The following FHAD1 variants were observed in gnomAD, a reference collection of about 807,000 sequenced individuals.
The protein encoded by FHAD1 is forkhead-associated domain-containing protein 1.
Under a neutral mutation model 191.3 loss-of-function variants are expected in FHAD1, and 146 were observed. The ratio of observed to expected loss-of-function variants is 0.76; its 90% CI spans 0.67 to 0.88. The LOEUF is 0.88. FHAD1 is among the 40% of genes least tolerant of loss of function. The probability of loss-of-function intolerance (pLI) is 0.00; values close to 1 mark genes in which losing one functional copy is unlikely to be tolerated. For missense variants in FHAD1, 1,635 were observed against 1,785.8 expected, an observed-to-expected ratio of 0.92 and a Z score of 1.52; for synonymous variants, 616 against 672.3, an observed-to-expected ratio of 0.92 and a Z score of 1.29.
At chr1:15,308,505 C>G in intron 6 of FHAD1, 108 bp from the exon 7 acceptor site, 4 of 1,459,418 alleles carry the variant, frequency 2.7e-6, no homozygotes, top group Non-Finnish European at 3.7e-6. Context: ...TTCCCCAACA[C>G]CCCAGCCAAA....
At position 15,327,128 on chromosome 1, in the gene FHAD1, G is replaced by A. The variant is rs950937986; in HGVS notation, c.1543G>A (p.Val515Ile). Residue 515 changes from valine (V) to isoleucine (I), a missense_variant, in exon 12 of 34, where the codon GTC (valine) becomes ATC (isoleucine). Physicochemically the swap from Val to Ile is conservative, Grantham distance 29 (BLOSUM62 3). Coordinates refer to ENST00000688493, the MANE Select transcript of FHAD1 (RefSeq NM_001391957.1). The surrounding 1 kb of genome is among the most constrained non-coding windows in gnomAD (Gnocchi z 5.1). ...GRAKPFRDKP[V>I]TDQQLIEKIT... ...GGCGAAGCCGTTCCGGGACAAGCCC[G>A]TCACCGACCAACAGGTTAGTCTGCC... The A allele has an allele frequency of 5.3e-5, 82 of 1,550,866 alleles. No homozygotes were observed. The East Asian group carries it at 9.3e-4, about 18-fold the overall frequency.
intron 2 of FHAD1, among the ~76,000 whole-genome samples, chr1:15,271,056 G>A (rs1209745692): frequency 2.7e-5 from 4 of 149,100 alleles, no homozygotes; most frequent in Admixed American, 6.7e-5. Flanking sequence ...GGAGAATGGC[G>A]TGAACCCGGG....
At position 15,329,023 on chromosome 1, in the gene FHAD1, A is replaced by T; in HGVS notation, c.1711-323A>T. The stretch of plus-strand genomic sequence containing the variant: ...GACCAGCTTGTGTGTTGATCTTGGC[A>T]GGAATTCTGACGAATGGAAAAAAGA... On this transcript the variant is annotated intron_variant, in intron 13 of 33. Coordinates refer to ENST00000688493, the MANE Select transcript of FHAD1 (RefSeq NM_001391957.1). The surrounding 1 kb of genome is among the most constrained non-coding windows in gnomAD (Gnocchi z 5.0). 1 of 187,364 alleles carries T rather than the reference A, an allele frequency of 5.3e-6. No individual in the cohort carries two copies. The highest frequency in any genetic ancestry group is 1.1e-5 in the Non-Finnish European group (1 of 91,344). 11.6% of individuals were successfully genotyped at this position (187,364 alleles called of 1,614,324 possible).
chr1:15,289,478 C>T lies in FHAD1; in HGVS notation c.380C>T (p.Ala127Val). The stretch of plus-strand genomic sequence containing the variant: ...CGTGCCACACAGCAGCCAAACCAGG[C>T]CCCCCCACCATCACATATCCCCTTC... ...PPRATQQPNQ[A>V]PPPSHIPFHQ... The change falls in exon 4 of 34, where the codon GCC (alanine) becomes GTC (valine). Residue 127 changes from alanine (A) to valine (V), a missense_variant. Physicochemically the swap from Ala to Val is moderately conservative, Grantham distance 64. Coordinates refer to ENST00000688493, the MANE Select transcript of FHAD1 (RefSeq NM_001391957.1). The surrounding 1 kb of genome is among the most constrained non-coding windows in gnomAD (Gnocchi z 4.2). The T allele has an allele frequency of 1.3e-6, 2 of 1,551,788 alleles. No individual in the cohort carries two copies. The highest frequency in any genetic ancestry group is 1.7e-6 in the Non-Finnish European group (2 of 1,147,010).
At chr1:15,343,099 T>C (rs1007564247) in intron 16 of FHAD1, among the ~76,000 whole-genome samples, 8 of 152,100 alleles carry the variant, frequency 5.3e-5, no homozygotes, top group African/African-American at 1.7e-4. Flanking sequence ...TACCTGAGGG[T>C]TGGCCCTTTT....
chr1:15,289,453 C>G lies in FHAD1; in HGVS notation c.355C>G (p.Arg119Gly), dbSNP rs1663691515. Residue 119 changes from arginine (R) to glycine (G), a missense_variant, in exon 4 of 34, where the codon CGT becomes GGT. Physicochemically the swap from Arg to Gly is moderately radical, Grantham distance 125. Transcript: ENST00000688493. The surrounding 1 kb of genome is among the most constrained non-coding windows in gnomAD (Gnocchi z 4.2). ...PAPWPGPQPP[R>G]ATQQPNQAPP... The stretch of plus-strand genomic sequence containing the variant: ...ACCATGGCCAGGGCCACAGCCACCT[C>G]GTGCCACACAGCAGCCAAACCAGGC... 1 of 1,551,762 alleles carries G rather than the reference C, an allele frequency of 6.4e-7. No homozygotes were observed. Among genetic ancestry groups the G allele is most frequent in the African/African-American group, 1.4e-5 (1 of 73,166 alleles).
intron 14 of FHAD1, among the ~76,000 whole-genome samples, chr1:15,331,661 GGGAAGGCAGGAGGGAAGGCAGGAA>G (rs1425137067): frequency 4.0e-4 from 54 of 135,662 alleles, no homozygotes; most frequent in South Asian, 3.5e-3. Flanking sequence ...GAAGGCAGGA[GGGAAGGCAGGAGGGAAGGCAGGAA>G]GGAAGGCAGG....
chr1:15,367,598 T>C lies in FHAD1; in HGVS notation c.3290T>C (p.Leu1097Pro). The C allele has an allele frequency of 6.8e-7, 1 of 1,465,294 alleles. No individual in the cohort carries two copies. Among genetic ancestry groups the C allele is most frequent in the Non-Finnish European group, 9.1e-7 (1 of 1,104,398 alleles). 90.8% of individuals were successfully genotyped at this position (1,465,294 alleles called of 1,614,324 possible). The change falls in exon 25 of 34, where the codon CTG (leucine) becomes CCG (proline). Residue 1097 changes from leucine (L) to proline (P), a missense_variant. Coordinates refer to ENST00000688493, the MANE Select transcript of FHAD1 (RefSeq NM_001391957.1). ...CTGGTAGAAAAGAAAGATCGGGAGC[T>C]GAAGGCCCTTGAGGAGGCACTCAGG... The part of the protein sequence containing the change: ...SSLVEKKDRE[L>P]KALEEALRAS...
chr1:15,373,618 G>A (rs773951521), intron 26 of FHAD1, among the ~76,000 whole-genome samples: 21 of 152,100 alleles, frequency 1.4e-4, no homozygotes, highest in Non-Finnish European at 2.2e-4. Context: ...CTTGGGAGGC[G>A]GAAGCAGGAG....
chr1:15,333,824 C>CTTTTTTTTTTTTTTTT (rs55698715), intron 14 of FHAD1, among the ~76,000 whole-genome samples: 10 of 64,808 alleles, frequency 1.5e-4, no homozygotes, highest in Non-Finnish European at 2.0e-4. Context: ...TTTTATTTAT[C>CTTTTTTTTTTTTTTTT]TTTTTTTTTT....
rs1289349873 is a variant in FHAD1 at position 15,289,369 on chromosome 1, A to T, written c.301-30A>T. 6.5e-7 allele frequency: 1 copy of T among 1,542,700 alleles called. No homozygotes were observed. Among genetic ancestry groups the T allele is most frequent in the Non-Finnish European group, 8.8e-7 (1 of 1,141,162 alleles). ...ATGGAGACCATCCCAGCCGGTCATA[A>T]CCTCCCCTGACCCTTGTCTGCCCCT... On this transcript the variant is annotated intron_variant, in intron 3 of 33. Coordinates refer to ENST00000688493, the MANE Select transcript of FHAD1 (RefSeq NM_001391957.1). This position sits in a 1 kb window ranked among gnomAD's most constrained non-coding sequence, Gnocchi z 4.2.
intron 3 of FHAD1, among the ~76,000 whole-genome samples, chr1:15,278,537 G>A (rs188323258): frequency 3.5e-5 from 5 of 141,596 alleles, no homozygotes; most frequent in Admixed American, 1.5e-4. Flanking sequence ...GCAGTGGCAC[G>A]ATCTCAGTTC....
chr1:15,349,273 C>G, intron 19 of FHAD1, 124 bp downstream of exon 19: 1 of 709,252 alleles, frequency 1.4e-6, no homozygotes. Flanking sequence ...CAAGATCTGC[C>G]GTTTACTGGC....
At chr1:15,259,510 G>A (rs1290869563) in intron 2 of FHAD1, among the ~76,000 whole-genome samples, 2 of 152,112 alleles carry the variant, frequency 1.3e-5, no homozygotes, top group Admixed American at 6.5e-5. Flanking sequence ...TTTGGCTTTA[G>A]GGAACATCTA....
At chr1:15,237,064 G>GT (rs1553210386) in intron 1 of FHAD1, among the ~76,000 whole-genome samples, 1 of 152,048 alleles carries the variant, frequency 6.6e-6, no homozygotes, top group Non-Finnish European at 1.5e-5. Flanking sequence ...CACCATGATC[G>GT]TAAGTTTCCT....
chr1:15,306,579 A>G (rs1200721385), intron 6 of FHAD1, among the ~76,000 whole-genome samples: 2 of 152,220 alleles, frequency 1.3e-5, no homozygotes, highest in Non-Finnish European at 2.9e-5. Flanking sequence ...CGGGGTCCCC[A>G]TGCTGTGTGC....
Position 15,375,698 on chromosome 1 carries a change from T to C in FHAD1, c.3673T>C (p.Leu1225=). The C allele has an allele frequency of 6.5e-7, 1 of 1,546,384 alleles. No individual in the cohort carries two copies. Among genetic ancestry groups the C allele is most frequent in the South Asian group, 1.2e-5 (1 of 82,828 alleles). Residue 1225 remains leucine (L), a synonymous_variant, in exon 28 of 34, where the codon TTG becomes CTG. Transcript: ENST00000688493. ...QKILLDAKPD[L]PTLSRIEILA... is the part of the protein sequence containing the mutation. ...AATACTACTGGATGCAAAACCGGATTTGCCAACTCTCTCAAGAATAGAGAT... is the reference window on the plus strand; with the variant it reads ...AATACTACTGGATGCAAAACCGGATCTGCCAACTCTCTCAAGAATAGAGAT...
At chr1:15,337,213 G>A (rs946571152) in intron 14 of FHAD1, among the ~76,000 whole-genome samples, 46 of 152,096 alleles carry the variant, frequency 3.0e-4, no homozygotes, top group East Asian at 1.9e-4. Context: ...TGGCATGTCC[G>A]GCTCTCTGCT....
chr1:15,373,836 A>T (rs1698813323), intron 26 of FHAD1, among the ~76,000 whole-genome samples: 1 of 152,198 alleles, frequency 6.6e-6, no homozygotes, highest in Non-Finnish European at 1.5e-5. Flanking sequence ...ACAGAGCAAG[A>T]CCCAACAGAG....
Sources: allele counts gnomAD v4.1 joint callset (sites outside exome capture counted in the v4.1 genomes callset), GRCh38; gene constraint gnomAD v4.1.1; non-coding constraint Gnocchi (gnomAD v3.1); transcripts MANE v1.5; gene names NCBI Gene and HGNC (gene_info 2026-07-23, HGNC 2026-07-21).